The following ISOC1 variants were observed in gnomAD, a reference collection of about 807,000 sequenced individuals.
The protein encoded by ISOC1 is isochorismatase domain-containing protein 1.
ISOC1 carries 33 observed loss-of-function variants against 30.0 expected under a neutral mutation model. The ratio of observed to expected loss-of-function variants is 1.10; its 90% confidence interval spans 0.83 to 1.47. ISOC1 has a LOEUF of 1.47. Among genes scored for constraint, ISOC1 ranks in the 40% most tolerant of loss-of-function variants. The pLI is 0.00. For missense variants in ISOC1, 372 were observed against 388.0 expected (o/e 0.96, Z 0.35); for synonymous variants, 178 against 159.8 (o/e 1.11, Z -0.86).
In ISOC1 at chr5:129,107,071, C is replaced by T; in HGVS notation, c.750+9C>T. The T allele has an allele frequency of 6.3e-7, 1 of 1,595,040 alleles. No individual in the cohort carries two copies. Among genetic ancestry groups the T allele is most frequent in the Non-Finnish European group, 8.6e-7 (1 of 1,162,992 alleles). On this transcript the variant is annotated intron_variant, in intron 4 of 4. Transcript: ENST00000173527. The stretch of plus-strand genomic sequence containing the variant: ...GGATGTTTGCCCTCGAGGTAATTGT[C>T]CTGCTTGGGAATAGATCATTTGTCA...
chr5:129,113,964 G>A lies in ISOC1; in HGVS notation c.*963G>A, dbSNP rs1221764988. On this transcript the variant is annotated 3_prime_UTR_variant, in exon 5 of 5. Transcript: ENST00000173527. The stretch of plus-strand genomic sequence containing the variant: ...CATTAAATACTTGTTAGAGGGTTTT[G>A]AAATGTTTTTCAAATATGTGAAATG... The A allele has an allele frequency of 6.6e-6, 1 of 152,060 alleles. No individual in the cohort carries two copies. The highest frequency in any genetic ancestry group is 2.4e-5 in the African/African-American group (1 of 41,404). The allele number at this position is 152,060 out of a possible 1,614,324, so 9.4% of individuals were successfully genotyped here. A position where few individuals can be genotyped will look rare whatever the true frequency, so the allele number is the denominator to read the frequency against.
chr5:129,095,044 G>A lies in ISOC1; in HGVS notation c.278G>A (p.Cys93Tyr), dbSNP rs1561420144. The A allele has an allele frequency of 6.3e-7, 1 of 1,589,562 alleles. No homozygotes were observed. The highest frequency in any genetic ancestry group is 1.7e-5 in the Admixed American group (1 of 58,060). The change falls in exon 1 of 5, where the codon TGC (cysteine) becomes TAC (tyrosine). Residue 93 changes from cysteine (C) to tyrosine (Y), a missense_variant. Transcript: ENST00000173527. The stretch of plus-strand genomic sequence containing the variant: ...AAGGGCTTCGCGGTGAGCGAGCGCT[G>A]CAAGGTGCGCCTCGTGCCGTTGCAG... ...LPKGFAVSER[C>Y]KVRLVPLQIQ...
chr5:129,099,173 T>G (rs1306355355), intron 1 of ISOC1, among the ~76,000 whole-genome samples: 5 of 152,310 alleles, frequency 3.3e-5, no homozygotes. Flanking sequence ...AAATAAACTG[T>G]GTTTGAGAGT....
Position 129,106,923 on chromosome 5 carries a change from T to C in ISOC1, c.634-23T>C, listed in dbSNP as rs752469206. 4.7e-5 allele frequency: 71 copies of C among 1,520,248 alleles called. No individual in the cohort carries two copies. In the South Asian group the frequency reaches 7.3e-4, roughly 16 times the overall value. The allele number at this position is 1,520,248 out of a possible 1,614,324, so 94.2% of individuals were successfully genotyped here. A position where few individuals can be genotyped will look rare whatever the true frequency, so the allele number is the denominator to read the frequency against. ...TTTTAGTTTATTATGTTATTACATA[T>C]GATTCTTGTACTTTCCTACTAGACT... On this transcript the variant is annotated intron_variant, in intron 3 of 4. Coordinates refer to ENST00000173527, the MANE Select transcript of ISOC1 (RefSeq NM_016048.2).
At chr5:129,096,271 G>A (rs1459457993) in intron 1 of ISOC1, among the ~76,000 whole-genome samples, 1 of 152,112 alleles carries the variant, frequency 6.6e-6, no homozygotes, top group African/African-American at 2.4e-5. Flanking sequence ...TCACGCTATT[G>A]TGCTACTGAA....
At chr5:129,103,816 G>A (rs1753600379) in intron 1 of ISOC1, among the ~76,000 whole-genome samples, 3 of 152,140 alleles carry the variant, frequency 2.0e-5, no homozygotes. Flanking sequence ...GGGAAACAAA[G>A]TAGGATAATT....
At chr5:129,107,676 T>TTAA (rs1355439160) in intron 4 of ISOC1, among the ~76,000 whole-genome samples, 2 of 152,216 alleles carry the variant, frequency 1.3e-5, no homozygotes, top group East Asian at 3.8e-4. Context: ...TGCTGTTTTA[T>TTAA]ATCAGGGACT....
chr5:129,106,845 T>G, intron 3 of ISOC1, 101 bp from the exon 4 acceptor site: 4 of 754,864 alleles, frequency 5.3e-6, no homozygotes, highest in Non-Finnish European at 9.1e-6. Context: ...GGTCCTTAGA[T>G]GATCTGTAGT....
intron 4 of ISOC1, among the ~76,000 whole-genome samples, chr5:129,111,831 T>G (rs1243413376): frequency 6.6e-6 from 1 of 152,158 alleles, no homozygotes; most frequent in African/African-American, 2.4e-5. Flanking sequence ...ATGATTCCAC[T>G]GGGGCAGTTT....
intron 4 of ISOC1, among the ~76,000 whole-genome samples, chr5:129,108,900 C>A (rs1217218539): frequency 6.6e-6 from 1 of 152,162 alleles, no homozygotes; most frequent in Admixed American, 6.5e-5. Context: ...ACTTCATTGT[C>A]AGGTCCTCAC....
At chr5:129,095,805 C>T (rs1753493235) in intron 1 of ISOC1, among the ~76,000 whole-genome samples, 1 of 152,188 alleles carries the variant, frequency 6.6e-6, no homozygotes, top group African/African-American at 2.4e-5. Context: ...TACCTGAGGA[C>T]TACTTAACAG....
rs1248112720 is a variant in ISOC1 at position 129,113,684 on chromosome 5, T to C, written c.*683T>C. ...GATAGAAGGGTTTGCAATGCCATAT[T>C]ATTGGTGGAGGGCTGTTTTAACATC... On this transcript the variant is annotated 3_prime_UTR_variant, in exon 5 of 5. Transcript: ENST00000173527. 4 of 152,216 alleles carry C rather than the reference T, an allele frequency of 2.6e-5. No homozygotes were observed. Among genetic ancestry groups the C allele is most frequent in the Admixed American group, 6.5e-5 (1 of 15,278 alleles). The allele number at this position is 152,216 out of a possible 1,614,324, so 9.4% of individuals were successfully genotyped here. A position where few individuals can be genotyped will look rare whatever the true frequency, so the allele number is the denominator to read the frequency against.
chr5:129,112,441 A>G (rs1434973379), intron 4 of ISOC1, among the ~76,000 whole-genome samples: 1 of 152,202 alleles, frequency 6.6e-6, no homozygotes, highest in Admixed American at 6.5e-5. Context: ...ATGAATGAGT[A>G]AGACATGAAG....
chr5:129,106,532 C>T (rs1753640103), intron 3 of ISOC1, among the ~76,000 whole-genome samples: 1 of 152,160 alleles, frequency 6.6e-6, no homozygotes, highest in Non-Finnish European at 1.5e-5. Context: ...ACTAAGTTCT[C>T]AGTCTGCAAG....
chr5:129,098,837 G>A (rs1162218984), intron 1 of ISOC1, among the ~76,000 whole-genome samples: 3 of 152,122 alleles, frequency 2.0e-5, no homozygotes, highest in Non-Finnish European at 4.4e-5. Flanking sequence ...TTAAACAGGG[G>A]CATGAACATT....
intron 1 of ISOC1, among the ~76,000 whole-genome samples, chr5:129,101,180 A>ATATATATATATATATATAT (rs1753566363): frequency 9.1e-6 from 1 of 109,642 alleles, no homozygotes; most frequent in African/African-American, 4.7e-5. Context: ...AAAAAAAAAA[A>ATATATATATATATATATAT]AAAAAAAAAA....
Position 129,113,500 on chromosome 5 carries a change from C to G in ISOC1, c.*499C>G, listed in dbSNP as rs1753737295. Reference sequence around the variant, plus strand: ...ACAGGACTCTGAATCATGTTACCCACTCCCCTCACAATGTTGTCCACTTAG... The same window carrying G: ...ACAGGACTCTGAATCATGTTACCCAGTCCCCTCACAATGTTGTCCACTTAG... On this transcript the variant is annotated 3_prime_UTR_variant, in exon 5 of 5. Transcript: ENST00000173527. The G allele has an allele frequency of 6.5e-6, 1 of 152,800 alleles. No homozygotes were observed. The highest frequency in any genetic ancestry group is 1.5e-5 in the Non-Finnish European group (1 of 68,454). The allele number at this position is 152,800 out of a possible 1,614,324, so 9.5% of individuals were successfully genotyped here.
At position 129,113,762 on chromosome 5, in the gene ISOC1, A is replaced by G. The variant is rs1051896602; in HGVS notation, c.*761A>G. ...TACCAACATCTTGAATATATATTCT[A>G]GTGTCCACAAGATTTAGCAAAAAGA... On this transcript the variant is annotated 3_prime_UTR_variant, in exon 5 of 5. Coordinates refer to ENST00000173527, the MANE Select transcript of ISOC1 (RefSeq NM_016048.2). The G allele has an allele frequency of 5.9e-5, 9 of 152,174 alleles. No homozygotes were observed. The highest frequency in any genetic ancestry group is 8.8e-5 in the Non-Finnish European group (6 of 68,028). 9.4% of individuals were successfully genotyped at this position (152,174 alleles called of 1,614,324 possible).
intron 1 of ISOC1, among the ~76,000 whole-genome samples, chr5:129,096,765 T>C (rs1753507093): frequency 6.6e-6 from 1 of 152,206 alleles, no homozygotes; most frequent in Non-Finnish European, 1.5e-5. Context: ...GGACTAAGGA[T>C]GCAGACTTCT....
Sources: gnomAD v4.1 joint callset for allele counts (sites outside exome capture counted in the v4.1 genomes callset) on GRCh38, gnomAD v4.1.1 for gene constraint, MANE v1.5 for transcripts, NCBI Gene and HGNC (gene_info 2026-07-23, HGNC 2026-07-21) for gene names.